The following HIPK2 variants were observed in gnomAD, a reference collection of about 807,000 sequenced individuals.
HIPK2 encodes homeodomain-interacting protein kinase 2.
Under a neutral mutation model 113.7 loss-of-function variants are expected in HIPK2, and 27 were observed. The ratio of observed to expected loss-of-function variants is 0.24; its 90% CI spans 0.17 to 0.33. The LOEUF is 0.33. Ranked by LOEUF, HIPK2 falls within the 10% of genes least tolerant of loss-of-function variation. The pLI, the probability that HIPK2 is intolerant of heterozygous loss-of-function variation, is 1.00. For missense variants in HIPK2, 1,257 were observed against 1,588.0 expected, an observed-to-expected ratio of 0.79 and a Z score of 3.54; for synonymous variants, 631 against 642.2, an observed-to-expected ratio of 0.98 and a Z score of 0.26.
chr7:139,606,724 G>C (rs1799629561), intron 9 of HIPK2, among the ~76,000 whole-genome samples: 1 of 152,186 alleles, frequency 6.6e-6, no homozygotes, highest in Non-Finnish European at 1.5e-5. Flanking sequence ...GACATTTAAG[G>C]ATCAGGGGAT....
At chr7:139,686,434 C>T (rs1794221491) in intron 2 of HIPK2, among the ~76,000 whole-genome samples, 1 of 152,098 alleles carries the variant, frequency 6.6e-6, no homozygotes, top group Admixed American at 6.5e-5. Context: ...ACCCAAATCT[C>T]ATCTTGAATT....
chr7:139,572,077 G>A lies in HIPK2; in HGVS notation c.*850C>T, dbSNP rs1432640755. ...GTGACGACCGCTAGCCCTACGCTACGCGACTAGGGGTGGATTCAAAGAGAA... is the reference window on the plus strand; with the variant it reads ...GTGACGACCGCTAGCCCTACGCTACACGACTAGGGGTGGATTCAAAGAGAA... On this transcript the variant is annotated 3_prime_UTR_variant, in exon 15 of 15. Transcript: ENST00000406875. 6.6e-6 allele frequency: 1 copy of A among 152,232 alleles called. No individual in the cohort carries two copies. Among genetic ancestry groups the A allele is most frequent in the African/African-American group, 2.4e-5 (1 of 41,454 alleles). The allele number at this position is 152,232 out of a possible 1,614,324, so 9.4% of individuals were successfully genotyped here.
At position 139,626,663 on chromosome 7, in the gene HIPK2, G is replaced by C. The variant is rs55646800; in HGVS notation, c.1557C>G (p.Ile519Met). Residue 519 changes from isoleucine to methionine, a missense_variant, in exon 6 of 15, where the codon ATC becomes ATG. Around this residue, in one of 5 missense-constraint regions of HIPK2, gnomAD observed 862 missense variants for 1,004.3 expected, o/e 0.86. Coordinates refer to ENST00000406875, the MANE Select transcript of HIPK2 (RefSeq NM_022740.5). ...TIDADKRITP[I>M]ETLNHPFVTM... The stretch of plus-strand genomic sequence containing the variant: ...TGACAAAGGGATGGTTCAGGGTTTC[G>C]ATTGGAGTGATTCTCTTGTCAGCAT... 1 of 1,613,966 alleles carries C rather than the reference G, an allele frequency of 6.2e-7. No individual in the cohort carries two copies. Among genetic ancestry groups the C allele is most frequent in the Non-Finnish European group, 8.5e-7 (1 of 1,179,892 alleles).
Position 139,563,739 on chromosome 7 carries a change from A to T in HIPK2, c.*9188T>A. 1 of 398,280 alleles carries T rather than the reference A, an allele frequency of 2.5e-6. No individual in the cohort carries two copies. The highest frequency in any genetic ancestry group is 4.4e-6 in the Non-Finnish European group (1 of 226,042). 24.7% of individuals were successfully genotyped at this position (398,280 alleles called of 1,614,324 possible). On this transcript the variant is annotated 3_prime_UTR_variant, in exon 15 of 15. Transcript: ENST00000406875. ...TTTCCACCAAAAGACTGTCCTAAGA[A>T]CACGCTGTCAATACAGTTCACAGGG...
chr7:139,614,589 C>T, intron 7 of HIPK2, 96 bp from the exon 8 acceptor site: 2 of 849,848 alleles, frequency 2.4e-6, no homozygotes, highest in Non-Finnish European at 3.2e-6. Context: ...AATAAATGAA[C>T]TCAAAGAAGA....
chr7:139,661,841 T>C (rs966916817), intron 2 of HIPK2, among the ~76,000 whole-genome samples: 3 of 152,194 alleles, frequency 2.0e-5, no homozygotes, highest in Admixed American at 1.3e-4. Context: ...TTTCTTACTC[T>C]CCTAAGATTG....
chr7:139,613,097 C>T lies in HIPK2; in HGVS notation c.2112+105G>A, dbSNP rs1181600802. On this transcript the variant is annotated intron_variant, in intron 9 of 14. Transcript: ENST00000406875. The surrounding 1 kb of genome is among the most constrained non-coding windows in gnomAD (Gnocchi z 4.2). Reference sequence around the variant, plus strand: ...AGATACATTCCAATGACTAGAAGCACCTAACTCATTACTAGGGAGAGAGGG... The same window carrying T: ...AGATACATTCCAATGACTAGAAGCATCTAACTCATTACTAGGGAGAGAGGG... 2 of 1,354,418 alleles carry T rather than the reference C, an allele frequency of 1.5e-6. No homozygotes were observed. Among genetic ancestry groups the T allele is most frequent in the Non-Finnish European group, 2.0e-6 (2 of 985,392 alleles). 83.9% of individuals were successfully genotyped at this position (1,354,418 alleles called of 1,614,324 possible). A position where few individuals can be genotyped will look rare whatever the true frequency, so the allele number is the denominator to read the frequency against.
intron 2 of HIPK2, among the ~76,000 whole-genome samples, chr7:139,692,342 G>T (rs918575951): frequency 6.6e-6 from 1 of 152,196 alleles, no homozygotes; most frequent in African/African-American, 2.4e-5. Flanking sequence ...TGTGCATTAA[G>T]CTCATGCACA....
chr7:139,671,050 C>T (rs374175920), intron 2 of HIPK2, among the ~76,000 whole-genome samples: 8 of 152,004 alleles, frequency 5.3e-5, no homozygotes, highest in East Asian at 3.8e-4. Flanking sequence ...TGTAAGCCAC[C>T]GCACCCGGCC....
rs755349310 is a variant in HIPK2 at position 139,572,892 on chromosome 7, T to TCTAC, written c.*34_*35insGTAG. ...CTCTCCCTCCTCCCTCGGGCCATTCTCTCCCTCCCTCCCTCCCTCCCTCCC... is the reference window on the plus strand; with the variant it reads ...CTCTCCCTCCTCCCTCGGGCCATTCTCTACCTCCCTCCCTCCCTCCCTCCCTCCC... On this transcript the variant is annotated 3_prime_UTR_variant, in exon 15 of 15. Coordinates refer to ENST00000406875, the MANE Select transcript of HIPK2 (RefSeq NM_022740.5). 1.2e-4 allele frequency: 77 copies of TCTAC among 655,270 alleles called. No homozygotes were observed. Among genetic ancestry groups the TCTAC allele is most frequent in the Admixed American group, 1.9e-4 (7 of 35,932 alleles). The allele number at this position is 655,270 out of a possible 1,614,324, so 40.6% of individuals were successfully genotyped here. A position where few individuals can be genotyped will look rare whatever the true frequency, so the allele number is the denominator to read the frequency against.
At chr7:139,590,790 A>G (rs148615482) in intron 12 of HIPK2, among the ~76,000 whole-genome samples, 60 of 152,280 alleles carry the variant, frequency 3.9e-4, no homozygotes, top group African/African-American at 1.3e-3. Flanking sequence ...ACTTAGAGTC[A>G]TTAGAGAGAA....
intron 2 of HIPK2, among the ~76,000 whole-genome samples, chr7:139,702,458 C>T (rs1300569655): frequency 6.6e-6 from 1 of 152,172 alleles, no homozygotes; most frequent in South Asian, 2.1e-4. Context: ...CAGGGACCCT[C>T]GCCGAGGCCC....
At chr7:139,689,964 G>C (rs1211868079) in intron 2 of HIPK2, among the ~76,000 whole-genome samples, 2 of 151,688 alleles carry the variant, frequency 1.3e-5, no homozygotes, top group Non-Finnish European at 2.9e-5. Flanking sequence ...TCCACAGTGA[G>C]AGCTCACGCA....
Position 139,741,131 on chromosome 7 carries a change from T to G in HIPK2, c.20-24116A>C, listed in dbSNP as rs148690954. ...CACTGCACTCCAGCCTGGGTGAGAC[T>G]CTATCTCAAAAATACAAAGTACAAA... On this transcript the variant is annotated intron_variant, in intron 1 of 14. Coordinates refer to ENST00000406875, the MANE Select transcript of HIPK2 (RefSeq NM_022740.5). Among the ~76,000 whole-genome samples, 263 of 152,180 alleles carry G rather than the reference T, an allele frequency of 1.7e-3. 1 individual carries two copies. Among genetic ancestry groups the G allele is most frequent in the African/African-American group, 6.2e-3 (258 of 41,500 alleles).
chr7:139,614,477 C>T lies in HIPK2; in HGVS notation c.1799G>A (p.Ser600Asn). ...GGGATTGGCTAAGGAAATAGTGGCA[C>T]TGGTAGAGGAGGGAGCCTAAAGGAG... ...TVHNQAPSST[S>N]ATISLANPEV... The change falls in exon 8 of 15, where the codon AGT becomes AAT. Residue 600 changes from serine to asparagine, a missense_variant. By Grantham distance (46) the Ser-to-Asn change is conservative (BLOSUM62 1). Transcript: ENST00000406875. 4 of 1,430,300 alleles carry T rather than the reference C, an allele frequency of 2.8e-6. No homozygotes were observed. Among genetic ancestry groups the T allele is most frequent in the Non-Finnish European group, 3.7e-6 (4 of 1,078,456 alleles). The allele number at this position is 1,430,300 out of a possible 1,614,324, so 88.6% of individuals were successfully genotyped here.
Position 139,777,645 on chromosome 7 carries a change from T to G in HIPK2, c.-22A>C. On this transcript the variant is annotated 5_prime_UTR_variant, in exon 1 of 15. An upstream open reading frame in the 5' UTR loses its in-frame stop. Transcript: ENST00000406875. ...CCATCGGGGCCGGGGTGTCCGCGGTTCATGGCAACGGGGACGGGAAAGCGG... is the reference window on the plus strand; with the variant it reads ...CCATCGGGGCCGGGGTGTCCGCGGTGCATGGCAACGGGGACGGGAAAGCGG... 1 of 1,091,680 alleles carries G rather than the reference T, an allele frequency of 9.2e-7. No homozygotes were observed. The highest frequency in any genetic ancestry group is 1.1e-6 in the Non-Finnish European group (1 of 897,292). 67.6% of individuals were successfully genotyped at this position (1,091,680 alleles called of 1,614,324 possible).
chr7:139,605,694 G>A (rs1288778329), intron 9 of HIPK2, among the ~76,000 whole-genome samples: 1 of 151,964 alleles, frequency 6.6e-6, no homozygotes, highest in Non-Finnish European at 1.5e-5. Context: ...TCTCTTAGAT[G>A]TTTTTGATAC....
In HIPK2 at chr7:139,620,387, T is replaced by C; in HGVS notation, c.1782+14A>G. The C allele has an allele frequency of 1.2e-6, 2 of 1,613,874 alleles. No homozygotes were observed. Among genetic ancestry groups the C allele is most frequent in the Non-Finnish European group, 1.7e-6 (2 of 1,179,790 alleles). On this transcript the variant is annotated intron_variant, in intron 7 of 14. Transcript: ENST00000406875. The stretch of plus-strand genomic sequence containing the variant: ...TGCAGCCCCGCCTCTCCTTCCCTTC[T>C]GTTTCCCACTTACCTGGTTGTGGAC...
chr7:139,597,436 T>C (rs1228653805), intron 11 of HIPK2, among the ~76,000 whole-genome samples: 3 of 152,216 alleles, frequency 2.0e-5, no homozygotes, highest in Non-Finnish European at 4.4e-5. Flanking sequence ...GGTGGAAGAA[T>C]TGGTGTTTGC....
Sources: gnomAD v4.1 joint callset for allele counts (sites outside exome capture counted in the v4.1 genomes callset) on GRCh38, gnomAD v4.1.1 for gene constraint, gnomAD v4.1.1 regional missense constraint, Gnocchi (gnomAD v3.1) non-coding constraint, MANE v1.5 for transcripts, NCBI Gene and HGNC (gene_info 2026-07-23, HGNC 2026-07-21) for gene names.